Variants in CFAP47 observed in about 807,000 individuals in gnomAD.
CFAP47 encodes cilia- and flagella-associated protein 47.
A neutral mutation model predicts 148.1 loss-of-function variants in CFAP47; 29 were observed. The observed-to-expected ratio is 0.20, with a 90% CI of 0.15 to 0.27. The LOEUF (loss-of-function observed/expected upper bound fraction) is 0.27. Among genes scored for constraint, CFAP47 ranks in the 10% least tolerant of loss-of-function variants. CFAP47 has a pLI of 1.00. For synonymous variants in CFAP47, 664 were observed against 577.3 expected (o/e 1.15, Z -2.15); for missense variants, 1,872 against 1,697.5 (o/e 1.10, Z -1.81).
chrX:36,309,321 ATTC>A (rs1556009477), intron 55 of CFAP47, among the ~76,000 whole-genome samples: 1 of 111,072 alleles, frequency 9.0e-6, no homozygotes, highest in South Asian at 3.7e-4. Context: ...GAAAGTTCTG[ATTC>A]TTCTTAACAA....
At chrX:35,973,403 A>G (rs1485218458) in intron 13 of CFAP47, among the ~76,000 whole-genome samples, 1 of 110,748 alleles carries the variant, frequency 9.0e-6, no homozygotes, top group Non-Finnish European at 1.9e-5. Flanking sequence ...GTTAGCCAAG[A>G]TGGTCTCCAT....
intron 22 of CFAP47, among the ~76,000 whole-genome samples, chrX:36,016,786 A>G (rs147560907): frequency 0.016 from 1,613 of 103,203 alleles, 44 homozygotes; most frequent in African/African-American, 0.054. Flanking sequence ...ATCAACGAAC[A>G]GTATACAAGG....
intron 33 of CFAP47, among the ~76,000 whole-genome samples, chrX:36,130,524 C>G (rs1407819812): frequency 1.8e-5 from 2 of 110,810 alleles, no homozygotes; most frequent in Non-Finnish European, 3.8e-5. Context: ...GGAGGTTCCT[C>G]AAAAAACTAA....
chrX:36,161,880 A>G (rs1569276654), intron 39 of CFAP47, among the ~76,000 whole-genome samples: 1 of 112,248 alleles, frequency 8.9e-6, no homozygotes, highest in Admixed American at 9.5e-5. Context: ...TCCTAGGTGC[A>G]TGTAAGAGAG....
chrX:36,114,230 T>C (rs1368792564), intron 33 of CFAP47, among the ~76,000 whole-genome samples: 2 of 112,092 alleles, frequency 1.8e-5, no homozygotes, highest in African/African-American at 6.5e-5. Flanking sequence ...ATACTGCCTA[T>C]TTTGTCAGTC....
chrX:36,273,139 AAATAT>A (rs1940978083), intron 49 of CFAP47, among the ~76,000 whole-genome samples: 2 of 111,524 alleles, frequency 1.8e-5, no homozygotes, highest in Admixed American at 1.9e-4. Context: ...AGCATTCAAT[AAATAT>A]TTTAAAAATT....
At chrX:36,023,984 C>T (rs1337938996) in intron 22 of CFAP47, among the ~76,000 whole-genome samples, 1 of 112,180 alleles carries the variant, frequency 8.9e-6, no homozygotes. Flanking sequence ...AGGCGCAAGA[C>T]AAAGTCCCCA....
chrX:36,375,188 G>A (rs1942010553), intron 62 of CFAP47: 1 of 276,070 alleles, frequency 3.6e-6, no homozygotes, highest in Non-Finnish European at 6.7e-6. Context: ...CACCATTGTG[G>A]CAATGCGGAA....
At chrX:36,044,558 C>A (rs772349427) in intron 25 of CFAP47, among the ~76,000 whole-genome samples, 1 of 112,155 alleles carries the variant, frequency 8.9e-6, no homozygotes, top group African/African-American at 3.2e-5. Flanking sequence ...AGGGCAAGGG[C>A]GACATGCCAC....
At chrX:36,131,887 A>T (rs568235984) in intron 33 of CFAP47, among the ~76,000 whole-genome samples, 2 of 111,358 alleles carry the variant, frequency 1.8e-5, no homozygotes, top group African/African-American at 6.5e-5. Context: ...ATGAGTATCA[A>T]GTTTATTTAT....
At chrX:36,094,763 A>G (rs1938245027) in intron 30 of CFAP47, among the ~76,000 whole-genome samples, 1 of 111,420 alleles carries the variant, frequency 9.0e-6, no homozygotes. Flanking sequence ...ATTATTTCTA[A>G]TAGGTTTTTT....
intron 30 of CFAP47, among the ~76,000 whole-genome samples, chrX:36,086,948 G>T (rs1345567782): frequency 1.8e-5 from 2 of 111,400 alleles, no homozygotes; most frequent in Non-Finnish European, 1.9e-5. Context: ...GGTCCTTGAC[G>T]GGCCTAAGGG....
At chrX:36,193,460 A>G (rs191647227) in intron 42 of CFAP47, among the ~76,000 whole-genome samples, 2 of 110,945 alleles carry the variant, frequency 1.8e-5, no homozygotes, top group East Asian at 2.8e-4. Context: ...GCCCTATTTC[A>G]TTTGTCCTTT....
chrX:36,230,364 T>C (rs1193979513), intron 46 of CFAP47, among the ~76,000 whole-genome samples: 1 of 109,263 alleles, frequency 9.2e-6, no homozygotes, highest in African/African-American at 3.4e-5. Flanking sequence ...TGGCCAGTGA[T>C]GATGAGCATT....
At chrX:36,298,567 GA>G (rs11441062) in intron 51 of CFAP47, among the ~76,000 whole-genome samples, 6 of 108,367 alleles carry the variant, frequency 5.5e-5, no homozygotes, top group Non-Finnish European at 9.6e-5. Context: ...AATAATAAAA[GA>G]AAAAAAAATC....
intron 57 of CFAP47, among the ~76,000 whole-genome samples, chrX:36,347,870 G>A (rs1220987262): frequency 9.0e-6 from 1 of 111,134 alleles, no homozygotes; most frequent in African/African-American, 3.3e-5. Flanking sequence ...CATGGCACGT[G>A]TATACCTATG....
chrX:35,987,782 T>A (rs1410089763), intron 15 of CFAP47, among the ~76,000 whole-genome samples: 2 of 111,605 alleles, frequency 1.8e-5, no homozygotes, highest in Non-Finnish European at 3.8e-5. Flanking sequence ...GCGAATACCA[T>A]GGGGAAAGTG....
At chrX:36,148,775 G>A (rs1453247258) in intron 36 of CFAP47, among the ~76,000 whole-genome samples, 1 of 111,583 alleles carries the variant, frequency 9.0e-6, no homozygotes, top group Non-Finnish European at 1.9e-5. Flanking sequence ...GTTTTCCTTT[G>A]CAATAAAAAT....
At chrX:36,165,657 T>C (rs1443643154) in intron 39 of CFAP47, among the ~76,000 whole-genome samples, 1 of 111,876 alleles carries the variant, frequency 8.9e-6, no homozygotes, top group Non-Finnish European at 1.9e-5. Context: ...AGGGTTTCCA[T>C]AACAAAACAC....
Sources: gnomAD v4.1 joint callset for allele counts (sites outside exome capture counted in the v4.1 genomes callset) on GRCh38, gnomAD v4.1.1 for gene constraint, MANE v1.5 for transcripts, NCBI Gene and HGNC (gene_info 2026-07-23, HGNC 2026-07-21) for gene names.